FLNB: variants seen among roughly 807,000 people sequenced by gnomAD.
The protein encoded by FLNB is filamin B.
FLNB carries 111 observed loss-of-function variants against 250.6 expected under a neutral mutation model. That is an observed-to-expected ratio of 0.44 (90% CI 0.38 to 0.52). The LOEUF is 0.52. FLNB is among the 20% of genes least tolerant of loss of function. The probability of loss-of-function intolerance (pLI) is 0.00; values close to 1 mark genes in which losing one functional copy is unlikely to be tolerated. For missense variants in FLNB, 2,869 were observed against 3,447.8 expected (o/e 0.83, Z 4.20); for synonymous variants, 1,302 against 1,372.1 (o/e 0.95, Z 1.13).
intron 1 of FLNB, among the ~76,000 whole-genome samples, chr3:58,061,187 AAC>A (rs1306910907): frequency 7.2e-5 from 11 of 152,186 alleles, no homozygotes; most frequent in Admixed American, 4.6e-4. Context: ...ATGGTCTGGG[AAC>A]AGTTTTTTGT....
Position 58,108,441 on chromosome 3 carries a change from A to G in FLNB, c.1942-17A>G, listed in dbSNP as rs2097263293. The G allele has an allele frequency of 6.5e-7, 1 of 1,541,732 alleles. No individual in the cohort carries two copies. The stretch of plus-strand genomic sequence containing the variant: ...GGCATTACACAGAAAGAGACTTACT[A>G]TCTGCCTTTGCTTCAGGTTCGAGCA... On this transcript the variant is annotated splice_polypyrimidine_tract_variant and intron_variant, in intron 12 of 45. Transcript: ENST00000295956.
At chr3:58,067,007 A>G (rs2097186512) in intron 1 of FLNB, among the ~76,000 whole-genome samples, 1 of 152,170 alleles carries the variant, frequency 6.6e-6, no homozygotes, top group African/African-American at 2.4e-5. Flanking sequence ...TGCATAAGGA[A>G]TGTGTTATGG....
At chr3:58,068,113 C>T (rs1448787483) in intron 1 of FLNB, among the ~76,000 whole-genome samples, 2 of 152,080 alleles carry the variant, frequency 1.3e-5, no homozygotes, top group Admixed American at 6.5e-5. Flanking sequence ...GTCCTGAAGC[C>T]GTGGCTCATT....
In FLNB at chr3:58,142,689, G is replaced by A. The variant is rs747508578; in HGVS notation, c.5221G>A (p.Gly1741Ser). Residue 1741 changes from glycine (G) to serine (S), a missense_variant, in exon 31 of 46, where the codon GGC becomes AGC. By Grantham distance (56) the Gly-to-Ser change is moderately conservative (BLOSUM62 0). Around this residue, in one of 5 missense-constraint regions of FLNB, gnomAD observed 1,084 missense variants for 1,315.5 expected, o/e 0.82. Transcript: ENST00000295956. The surrounding 1 kb of genome is among the most constrained non-coding windows in gnomAD (Gnocchi z 4.3). ...EAYVPVSDMN[G>S]LGFKPFDLVI... ...CTATGTCCCAGTGAGTGACATGAAC[G>A]GCCTGGGATTTAAGCCTTTTGACCT... is the stretch of plus-strand genomic sequence containing the variant. 6 of 1,614,214 alleles carry A rather than the reference G, an allele frequency of 3.7e-6. No individual in the cohort carries two copies. The highest frequency in any genetic ancestry group is 2.2e-5 in the South Asian group (2 of 91,078).
rs767111209 is a variant in FLNB, at chr3:58,149,928, G to C, written c.6170G>C (p.Cys2057Ser). ...ACGGAGGACCTGGAAGATGGCACCT[G>C]CAAAGTCTCCTACTTCCCTACCGTG... ...IQTEDLEDGTCKVSYFPTVPG... is the reference protein window; with the variant it reads ...IQTEDLEDGTSKVSYFPTVPG... Residue 2057 changes from cysteine to serine, a missense_variant, in exon 37 of 46, where the codon TGC (cysteine) becomes TCC (serine). By Grantham distance (112) the Cys-to-Ser change is moderately radical. This residue lies in a region of FLNB where 1,084 missense variants were observed against 1,315.5 expected (regional missense o/e 0.82). Transcript: ENST00000295956. The C allele has an allele frequency of 3.7e-6, 6 of 1,614,226 alleles. No homozygotes were observed. The highest frequency in any genetic ancestry group is 1.3e-5 in the African/African-American group (1 of 75,052).
chr3:58,105,227 A>G lies in FLNB; in HGVS notation c.1747+11A>G. 1 of 1,614,078 alleles carries G rather than the reference A, an allele frequency of 6.2e-7. No individual in the cohort carries two copies. The highest frequency in any genetic ancestry group is 8.5e-7 in the Non-Finnish European group (1 of 1,179,976). ...AAGTGGGGTCTCTGGGTAAGTGGAC[A>G]CAGCTGACCAGCATCTTCTGGAGGA... On this transcript the variant is annotated intron_variant, in intron 11 of 45. Transcript: ENST00000295956.
chr3:58,014,560 G>T (rs906017844), intron 1 of FLNB, among the ~76,000 whole-genome samples: 1 of 152,200 alleles, frequency 6.6e-6, no homozygotes, highest in Non-Finnish European at 1.5e-5. Context: ...GAGCCAAATT[G>T]TGTCTCTTGG....
In FLNB at chr3:58,008,438, T is replaced by TGGCTCCGGTAGC. The variant is rs973755289; in HGVS notation, c.-126_-115dup. 11 of 1,153,994 alleles carry TGGCTCCGGTAGC rather than the reference T, an allele frequency of 9.5e-6. No homozygotes were observed. The Admixed American group carries it at 1.6e-4, about 17-fold the overall frequency. 71.5% of individuals were successfully genotyped at this position (1,153,994 alleles called of 1,614,324 possible). A position where few individuals can be genotyped will look rare whatever the true frequency, so the allele number is the denominator to read the frequency against. On this transcript the variant is annotated 5_prime_UTR_variant, in exon 1 of 46. Transcript: ENST00000295956. ...GGCGGCCGCAGAGCAGCACCGGCCG[T>TGGCTCCGGTAGC]GGCTCCGGTAGCAGCAAGTTCGAAC...
Position 58,169,829 on chromosome 3 carries a change from C to CTTTT in FLNB, c.7621+36_7621+37insTTTT. On this transcript the variant is annotated intron_variant, in intron 45 of 45. Transcript: ENST00000295956. The surrounding 1 kb of genome is among the most constrained non-coding windows in gnomAD (Gnocchi z 4.8). ...GGGCCTTTTCAAGGGTGGGGTGGGG[C>CTTTT]AGGGGCAGGCTGGGCACCCTGGGTA... 1 of 1,276,462 alleles carries CTTTT rather than the reference C, an allele frequency of 7.8e-7. No homozygotes were observed. Among genetic ancestry groups the CTTTT allele is most frequent in the Non-Finnish European group, 1.1e-6 (1 of 883,934 alleles). 79.1% of individuals were successfully genotyped at this position (1,276,462 alleles called of 1,614,324 possible).
At position 58,138,405 on chromosome 3, in the gene FLNB, C is replaced by CCGATGT; in HGVS notation, c.4987_4992dup (p.Asp1663_Val1664dup). 6.2e-7 allele frequency: 1 copy of CCGATGT among 1,614,220 alleles called. No homozygotes were observed. The highest frequency in any genetic ancestry group is 8.5e-7 in the Non-Finnish European group (1 of 1,180,046). On this transcript the variant is annotated inframe_insertion, in exon 29 of 46. Coordinates refer to ENST00000295956, the MANE Select transcript of FLNB (RefSeq NM_001457.4). ...ACCCCAGATGGCACTGAGGCCGAGG[C>CCGATGT]CGATGTCATTGAGAATGAAGATGGA...
At chr3:58,129,343 G>A (rs183746207) in intron 24 of FLNB, among the ~76,000 whole-genome samples, 3 of 152,194 alleles carry the variant, frequency 2.0e-5, no homozygotes, top group Non-Finnish European at 2.9e-5. Flanking sequence ...AATGCTTGGG[G>A]TCTGCCATCT....
At chr3:58,119,819 A>G (rs1462640795) in intron 19 of FLNB, among the ~76,000 whole-genome samples, 1 of 152,188 alleles carries the variant, frequency 6.6e-6, no homozygotes, top group South Asian at 2.1e-4. Context: ...CTCTGCATCT[A>G]TACATATAGA....
At position 58,149,862 on chromosome 3, in the gene FLNB, T is replaced by C. The variant is rs548262252; in HGVS notation, c.6104T>C (p.Ile2035Thr). The C allele has an allele frequency of 6.8e-6, 11 of 1,614,252 alleles. No individual in the cohort carries two copies. Among genetic ancestry groups the C allele is most frequent in the Non-Finnish European group, 8.5e-7 (1 of 1,180,046 alleles). The change falls in exon 37 of 46, where the codon ATA becomes ACA. Residue 2035 changes from isoleucine (I) to threonine (T), a missense_variant. Ile to Thr is a moderately conservative substitution (Grantham distance 89, BLOSUM62 -1). Around this residue, in one of 5 missense-constraint regions of FLNB, gnomAD observed 1,084 missense variants for 1,315.5 expected, o/e 0.82. Transcript: ENST00000295956. ...VDTRDAGYGG[I>T]SLAVEGPSKV... ...TGCTGTGTTGCAGGTTATGGTGGCATATCCTTGGCGGTGGAAGGCCCCAGC... is the reference window on the plus strand; with the variant it reads ...TGCTGTGTTGCAGGTTATGGTGGCACATCCTTGGCGGTGGAAGGCCCCAGC...
chr3:58,156,054 C>T lies in FLNB; in HGVS notation c.6867C>T (p.Arg2289=). The T allele has an allele frequency of 6.2e-7, 1 of 1,614,038 alleles. No homozygotes were observed. The highest frequency in any genetic ancestry group is 8.5e-7 in the Non-Finnish European group (1 of 1,179,882). The change falls in exon 41 of 46, where the codon CGC becomes CGT. Residue 2289 remains arginine, a synonymous_variant. Transcript: ENST00000295956. The part of the protein sequence containing the change: ...PVIAPSDDAR[R]LTVMSLQESG... ...TCGCACCCTCCGACGACGCCCGCCG[C>T]CTCACTGTTATGAGCCTTCAGGTGA...
At chr3:58,124,612 C>T in intron 22 of FLNB, 107 bp downstream of exon 22, 1 of 1,190,710 alleles carries the variant, frequency 8.4e-7, no homozygotes, top group Non-Finnish European at 1.2e-6. Context: ...CCTGTCTCAG[C>T]AGGGCCACGT....
At chr3:58,135,382 T>C (rs922085756) in intron 27 of FLNB, among the ~76,000 whole-genome samples, 6 of 152,116 alleles carry the variant, frequency 3.9e-5, no homozygotes, top group African/African-American at 1.4e-4. Flanking sequence ...GTCCTTAAGG[T>C]CTCCTCCTGG....
At chr3:58,039,500 G>A (rs1258236761) in intron 1 of FLNB, among the ~76,000 whole-genome samples, 2 of 152,114 alleles carry the variant, frequency 1.3e-5, no homozygotes, top group Non-Finnish European at 2.9e-5. Context: ...GTCTGACTGG[G>A]GGGATCTAGG....
intron 1 of FLNB, among the ~76,000 whole-genome samples, chr3:58,033,658 T>G (rs751352549): frequency 7.2e-5 from 11 of 152,104 alleles, no homozygotes; most frequent in Non-Finnish European, 1.3e-4. Flanking sequence ...CCCAAAGTGC[T>G]AGGATCACAG....
chr3:58,099,165 A>T (rs2097244782), intron 8 of FLNB, among the ~76,000 whole-genome samples: 1 of 152,074 alleles, frequency 6.6e-6, no homozygotes, highest in East Asian at 1.9e-4. Flanking sequence ...TGTACAGGAG[A>T]GTAATTATCC....
Sources: gnomAD v4.1 joint callset for allele counts (sites outside exome capture counted in the v4.1 genomes callset) on GRCh38, gnomAD v4.1.1 for gene constraint, gnomAD v4.1.1 regional missense constraint, Gnocchi (gnomAD v3.1) non-coding constraint, MANE v1.5 for transcripts, NCBI Gene and HGNC (gene_info 2026-07-23, HGNC 2026-07-21) for gene names.